Variants in CADPS2 observed in about 807,000 individuals in gnomAD.
CADPS2 encodes calcium dependent secretion activator 2.
Under a neutral mutation model 172.5 loss-of-function variants are expected in CADPS2, and 93 were observed. The ratio of observed to expected loss-of-function variants is 0.54; its 90% CI spans 0.46 to 0.64. CADPS2 has a LOEUF of 0.64. Ranked by LOEUF, CADPS2 falls within the 30% of genes least tolerant of loss-of-function variation. CADPS2 has a pLI of 0.00. For synonymous variants in CADPS2, 546 were observed against 555.2 expected (o/e 0.98, Z 0.23); for missense variants, 1,420 against 1,565.9 (o/e 0.91, Z 1.57).
chr7:122,582,519 G>T (rs1274620540), intron 6 of CADPS2, among the ~76,000 whole-genome samples: 1 of 151,708 alleles, frequency 6.6e-6, no homozygotes, highest in East Asian at 1.9e-4. Flanking sequence ...TCCAGAATGG[G>T]GTTAGCAAAG....
rs369393609 is a variant in CADPS2 at position 122,428,471 on chromosome 7, A to ATT, written c.2476+9868_2476+9869dup. ...TACACACATATATATATATATATAT[A>ATT]TTTTTTTTTTTTTGAGACGGAGTTT... On this transcript the variant is annotated intron_variant, in intron 17 of 29. Transcript: ENST00000449022. Among the ~76,000 whole-genome samples, 603 of 117,076 alleles carry ATT rather than the reference A, an allele frequency of 5.2e-3. 5 individuals carry two copies. The highest frequency in any genetic ancestry group is 0.017 in the African/African-American group (429 of 25,920). 76.8% of individuals were successfully genotyped at this position (117,076 alleles called of 152,430 possible).
chr7:122,696,593 T>C (rs1320756990), intron 2 of CADPS2, among the ~76,000 whole-genome samples: 2 of 152,176 alleles, frequency 1.3e-5, no homozygotes, highest in African/African-American at 2.4e-5. Flanking sequence ...ACTCACAAGA[T>C]TCCTCTTCAC....
chr7:122,697,592 G>A, intron 2 of CADPS2: 1 of 508,802 alleles, frequency 2.0e-6, no homozygotes, highest in Non-Finnish European at 3.4e-6. Context: ...ATTACACTTA[G>A]CAAAGGTCCA....
At position 122,645,282 on chromosome 7, in the gene CADPS2, CATATGTACATATATACACAT is replaced by C. The variant is rs1588088706; in HGVS notation, c.787-15974_787-15955del. 1.6e-3 allele frequency among the ~76,000 whole-genome samples: 216 copies of C among 138,746 alleles called. 2 individuals carry two copies. Among genetic ancestry groups the C allele is most frequent in the African/African-American group, 5.3e-3 (204 of 38,290 alleles). 91.0% of individuals were successfully genotyped at this position (138,746 alleles called of 152,430 possible). A position where few individuals can be genotyped will look rare whatever the true frequency, so the allele number is the denominator to read the frequency against. On this transcript the variant is annotated intron_variant, in intron 3 of 29. Coordinates refer to ENST00000449022, the MANE Select transcript of CADPS2 (RefSeq NM_017954.11). ...GTGTATACATGTACATATATACACA[CATATGTACATATATACACAT>C]ATGTACATGTGTGTATACATGTACA...
At chr7:122,800,629 A>G (rs1392865148) in intron 1 of CADPS2, among the ~76,000 whole-genome samples, 1 of 152,180 alleles carries the variant, frequency 6.6e-6, no homozygotes, top group Non-Finnish European at 1.5e-5. Flanking sequence ...ACCACATTAT[A>G]TGAGGCTTCA....
intron 4 of CADPS2, among the ~76,000 whole-genome samples, chr7:122,625,096 G>A (rs955369962): frequency 6.6e-6 from 1 of 151,670 alleles, no homozygotes; most frequent in Non-Finnish European, 1.5e-5. Flanking sequence ...TGTTGCCCAA[G>A]CTGGAGTGCA....
chr7:122,784,097 T>C (rs1366656317), intron 1 of CADPS2, among the ~76,000 whole-genome samples: 2 of 152,230 alleles, frequency 1.3e-5, no homozygotes, highest in African/African-American at 4.8e-5. Flanking sequence ...CTCTATTCTT[T>C]GAAAATAAGA....
intron 20 of CADPS2, among the ~76,000 whole-genome samples, chr7:122,397,701 A>C (rs888265517): frequency 6.6e-6 from 1 of 152,118 alleles, no homozygotes; most frequent in Non-Finnish European, 1.5e-5. Context: ...AAGTGCTTCT[A>C]TCTTCTCCAT....
intron 2 of CADPS2, among the ~76,000 whole-genome samples, chr7:122,709,981 A>AC (rs1438357170): frequency 6.6e-6 from 1 of 151,140 alleles, no homozygotes; most frequent in Non-Finnish European, 1.5e-5. Context: ...TGGGTGCAGC[A>AC]CACCAGCATG....
At chr7:122,850,616 C>T (rs1385657190) in intron 1 of CADPS2, among the ~76,000 whole-genome samples, 1 of 152,240 alleles carries the variant, frequency 6.6e-6, no homozygotes, top group Non-Finnish European at 1.5e-5. Context: ...CAAACTCTTT[C>T]TTCCCCTATC....
intron 8 of CADPS2, among the ~76,000 whole-genome samples, chr7:122,535,800 T>C (rs1292288773): frequency 1.3e-5 from 2 of 152,104 alleles, no homozygotes; most frequent in Non-Finnish European, 2.9e-5. Context: ...GTGACTTGTG[T>C]CTCTTGGGAC....
chr7:122,642,594 T>A (rs374571560), intron 3 of CADPS2, among the ~76,000 whole-genome samples: 3 of 151,632 alleles, frequency 2.0e-5, no homozygotes, highest in African/African-American at 7.2e-5. Flanking sequence ...CTTCTAGTAC[T>A]TTAAAAACTA....
intron 17 of CADPS2, among the ~76,000 whole-genome samples, chr7:122,431,346 A>G (rs1381843346): frequency 2.0e-5 from 3 of 152,226 alleles, no homozygotes; most frequent in African/African-American, 7.2e-5. Context: ...TTCTAGGACA[A>G]TAAGTGGGAT....
chr7:122,712,425 T>C (rs1564146728), intron 2 of CADPS2, among the ~76,000 whole-genome samples: 1 of 152,160 alleles, frequency 6.6e-6, no homozygotes, highest in Non-Finnish European at 1.5e-5. Flanking sequence ...CTCATTCGAA[T>C]ATTTATCAAG....
At chr7:122,538,178 G>A (rs1326965629) in intron 8 of CADPS2, among the ~76,000 whole-genome samples, 2 of 150,584 alleles carry the variant, frequency 1.3e-5, no homozygotes, top group African/African-American at 4.9e-5. Context: ...GTGAAAAAGA[G>A]AATGCAAAAA....
rs1394116235 is a variant in CADPS2, at chr7:122,669,338, A to AAT, written c.454-5771_454-5770dup. ...AGAGTGAGATCCTGTCTAAAGAAAA[A>AAT]ATATATATATATATATATTTTTTTT... On this transcript the variant is annotated intron_variant, in intron 2 of 29. Transcript: ENST00000449022. Among the ~76,000 whole-genome samples, 354 of 129,020 alleles carry AAT rather than the reference A, an allele frequency of 2.7e-3. 5 individuals carry two copies. The highest frequency in any genetic ancestry group is 7.9e-3 in the South Asian group (30 of 3,816). The allele number at this position is 129,020 out of a possible 152,430, so 84.6% of individuals were successfully genotyped here. A position where few individuals can be genotyped will look rare whatever the true frequency, so the allele number is the denominator to read the frequency against.
intron 23 of CADPS2, 93 bp from the exon 24 acceptor site, chr7:122,387,266 T>C (rs1477649407): frequency 2.3e-6 from 3 of 1,286,540 alleles, no homozygotes; most frequent in African/African-American, 3.0e-5. Flanking sequence ...AGATGCTAAT[T>C]TAAAACATGC....
intron 10 of CADPS2, 93 bp downstream of exon 10, chr7:122,491,219 G>C (rs1002112866): frequency 1.4e-6 from 1 of 705,064 alleles, no homozygotes; most frequent in East Asian, 3.1e-5. Context: ...CCTATTCATC[G>C]AGAGGGGTTT....
At chr7:122,529,485 T>C (rs1299784917) in intron 8 of CADPS2, among the ~76,000 whole-genome samples, 1 of 152,004 alleles carries the variant, frequency 6.6e-6, no homozygotes, top group Non-Finnish European at 1.5e-5. Context: ...ATCTGTTACA[T>C]GAACTTGTAG....
Sources: allele counts gnomAD v4.1 joint callset (sites outside exome capture counted in the v4.1 genomes callset), GRCh38; gene constraint gnomAD v4.1.1; transcripts MANE v1.5; gene names NCBI Gene and HGNC (gene_info 2026-07-23, HGNC 2026-07-21).